Variants in BMP8A observed in about 807,000 individuals in gnomAD.
BMP8A encodes bone morphogenetic protein 8a.
Under a neutral mutation model 36.8 loss-of-function variants are expected in BMP8A, and 14 were observed. The ratio of observed to expected loss-of-function variants is 0.38; its 90% CI spans 0.25 to 0.60. The LOEUF is 0.60. Among genes scored for constraint, BMP8A ranks in the 20% least tolerant of loss-of-function variants. The pLI is 0.63. For synonymous variants in BMP8A, 120 were observed against 237.7 expected, an observed-to-expected ratio of 0.50 and a Z score of 4.55; for missense variants, 267 against 551.1, an observed-to-expected ratio of 0.48 and a Z score of 5.16.
intron 1 of BMP8A, among the ~76,000 whole-genome samples, chr1:39,496,855 T>C (rs995670477): frequency 2.0e-5 from 3 of 152,210 alleles, no homozygotes; most frequent in African/African-American, 7.2e-5. Context: ...AAAGAATTTT[T>C]ATTTTGGGGG....
chr1:39,493,413 C>T (rs1809697), intron 1 of BMP8A, among the ~76,000 whole-genome samples: 85,249 of 152,154 alleles, frequency 0.56, 25,582 homozygotes, highest in South Asian at 0.77. Flanking sequence ...CCAGGACAGG[C>T]CCAGGAAGCC....
intron 1 of BMP8A, among the ~76,000 whole-genome samples, chr1:39,509,498 G>A (rs910831907): frequency 4.6e-5 from 7 of 152,274 alleles, no homozygotes; most frequent in South Asian, 2.1e-4. Context: ...GCTCTCAGGC[G>A]AGCTTTTGCT....
chr1:39,500,907 G>A (rs1281076040), intron 1 of BMP8A, among the ~76,000 whole-genome samples: 1 of 152,160 alleles, frequency 6.6e-6, no homozygotes, highest in South Asian at 2.1e-4. Flanking sequence ...ACCCGCCTCA[G>A]CCTGCCAAAG....
At chr1:39,493,891 C>T (rs1645182706) in intron 1 of BMP8A, among the ~76,000 whole-genome samples, 1 of 152,232 alleles carries the variant, frequency 6.6e-6, no homozygotes, top group Admixed American at 6.5e-5. Context: ...AATGCGTCAC[C>T]ACCCAGCCCA....
At chr1:39,498,133 C>T (rs1217398762) in intron 1 of BMP8A, among the ~76,000 whole-genome samples, 2 of 152,246 alleles carry the variant, frequency 1.3e-5, no homozygotes, top group Non-Finnish European at 1.5e-5. Flanking sequence ...AAACCCTCTG[C>T]CCCTCCTTGG....
intron 4 of BMP8A, among the ~76,000 whole-genome samples, chr1:39,522,025 C>T (rs1471056480): frequency 2.9e-5 from 2 of 69,138 alleles, no homozygotes; most frequent in South Asian, 9.0e-4. Context: ...CTGGCCTGGT[C>T]GTGAGCCACT....
rs201221908 is a variant in BMP8A at position 39,525,764 on chromosome 1, G to A, written c.1175G>A (p.Arg392His). The change falls in exon 7 of 7, where the codon CGC (arginine) becomes CAC (histidine). Residue 392 changes from arginine (R) to histidine (H), a missense_variant. Around this residue, in one of 7 missense-constraint regions of BMP8A, gnomAD observed 132 missense variants for 151.3 expected, o/e 0.87. Transcript: ENST00000331593. ...SSNNVILRKH[R>H]NMVVKACGCH is the part of the protein sequence containing the mutation. The stretch of plus-strand genomic sequence containing the variant: ...AACAACGTCATCCTGCGCAAGCACC[G>A]CAACATGGTGGTCAAGGCCTGCGGC... 6.7e-5 allele frequency: 108 copies of A among 1,614,046 alleles called. No homozygotes were observed. Among genetic ancestry groups the A allele is most frequent in the Non-Finnish European group, 3.9e-5 (46 of 1,180,036 alleles).
chr1:39,499,931 A>G (rs1284743302), intron 1 of BMP8A, among the ~76,000 whole-genome samples: 1 of 152,180 alleles, frequency 6.6e-6, no homozygotes, highest in Admixed American at 6.5e-5. Flanking sequence ...AAGGTCATGC[A>G]CTGTCACAAT....
chr1:39,523,534 T>C lies in BMP8A; in HGVS notation c.1059+417T>C, dbSNP rs1570316029. ...CCGCCTGTGATATGTGCGCACAGTG[T>C]GTGGGGTGTGCGTGTGCACTCACCC... is the stretch of plus-strand genomic sequence containing the variant. On this transcript the variant is annotated intron_variant, in intron 6 of 6. Coordinates refer to ENST00000331593, the MANE Select transcript of BMP8A (RefSeq NM_181809.4). The C allele has an allele frequency of 8.9e-5, 123 of 1,382,726 alleles. No homozygotes were observed. In the East Asian group the frequency reaches 3.5e-3, roughly 39 times the overall value. The allele number at this position is 1,382,726 out of a possible 1,614,324, so 85.7% of individuals were successfully genotyped here.
chr1:39,523,128 T>C lies in BMP8A; in HGVS notation c.1059+11T>C. On this transcript the variant is annotated intron_variant, in intron 6 of 6. Coordinates refer to ENST00000331593, the MANE Select transcript of BMP8A (RefSeq NM_181809.4). The stretch of plus-strand genomic sequence containing the variant: ...ATCCTGCAGTCCCTGGTCAGTACCG[T>C]GCCCATCCTGCCCAGCCCCCTGGGG... 6.2e-7 allele frequency: 1 copy of C among 1,612,562 alleles called. No individual in the cohort carries two copies.
intron 1 of BMP8A, among the ~76,000 whole-genome samples, chr1:39,492,771 G>A (rs1320366551): frequency 2.0e-5 from 3 of 152,208 alleles, no homozygotes; most frequent in Admixed American, 6.5e-5. Context: ...GCTGAGTCGC[G>A]TGCCCTGAGT....
At chr1:39,510,695 C>T (rs1453217557) in intron 1 of BMP8A, among the ~76,000 whole-genome samples, 1 of 152,224 alleles carries the variant, frequency 6.6e-6, no homozygotes, top group African/African-American at 2.4e-5. Flanking sequence ...AGGCAGCGGG[C>T]AGGCTCTGGA....
chr1:39,509,737 G>A (rs527835774), intron 1 of BMP8A, among the ~76,000 whole-genome samples: 17 of 152,298 alleles, frequency 1.1e-4, no homozygotes, highest in African/African-American at 2.9e-4. Flanking sequence ...AAACCTGACT[G>A]TGGTCACTGA....
At chr1:39,500,714 A>G (rs1391530001) in intron 1 of BMP8A, among the ~76,000 whole-genome samples, 2 of 151,972 alleles carry the variant, frequency 1.3e-5, no homozygotes, top group Non-Finnish European at 2.9e-5. Flanking sequence ...GTGCAGTGGT[A>G]CAGTTTCAGC....
chr1:39,504,166 A>T (rs1645278052), intron 1 of BMP8A, among the ~76,000 whole-genome samples: 1 of 152,118 alleles, frequency 6.6e-6, no homozygotes, highest in Non-Finnish European at 1.5e-5. Flanking sequence ...GCCTGTGGGT[A>T]TTTCTCGAAA....
intron 1 of BMP8A, among the ~76,000 whole-genome samples, chr1:39,509,835 C>T (rs1645337708): frequency 6.6e-6 from 1 of 152,188 alleles, no homozygotes. Flanking sequence ...CACTGGGCGG[C>T]TCCCACCCCT....
chr1:39,507,327 T>C (rs1645310397), intron 1 of BMP8A, among the ~76,000 whole-genome samples: 1 of 152,196 alleles, frequency 6.6e-6, no homozygotes, highest in African/African-American at 2.4e-5. Flanking sequence ...GAAATCACAT[T>C]GTGCAAACCT....
At position 39,492,001 on chromosome 1, in the gene BMP8A, C is replaced by A. The variant is rs1192579480; in HGVS notation, c.10C>A (p.Arg4Ser). ...GCGCCCCCGGCCCGCCATGGCCGCG[C>A]GCCCCGGACCGCTCTGGCTTCTGGG... MAA[R>S]PGPLWLLGLT... is the part of the protein sequence containing the mutation. The change falls in exon 1 of 7, where the codon CGC becomes AGC. Residue 4 changes from arginine (R) to serine (S), a missense_variant. By Grantham distance (110) the Arg-to-Ser change is moderately radical. Around this residue, in one of 7 missense-constraint regions of BMP8A, gnomAD observed 56 missense variants for 74.1 expected, o/e 0.76. Coordinates refer to ENST00000331593, the MANE Select transcript of BMP8A (RefSeq NM_181809.4). 3 of 1,084,194 alleles carry A rather than the reference C, an allele frequency of 2.8e-6. No homozygotes were observed. The highest frequency in any genetic ancestry group is 1.0e-4 in the Admixed American group (2 of 19,064). 67.2% of individuals were successfully genotyped at this position (1,084,194 alleles called of 1,614,324 possible). A position where few individuals can be genotyped will look rare whatever the true frequency, so the allele number is the denominator to read the frequency against.
chr1:39,497,198 G>A (rs974632236), intron 1 of BMP8A, among the ~76,000 whole-genome samples: 10 of 152,104 alleles, frequency 6.6e-5, no homozygotes, highest in African/African-American at 2.4e-4. Context: ...GGGTTGTTCT[G>A]AACACTTTTA....
Sources: gnomAD v4.1 joint callset for allele counts (sites outside exome capture counted in the v4.1 genomes callset) on GRCh38, gnomAD v4.1.1 for gene constraint, gnomAD v4.1.1 regional missense constraint, MANE v1.5 for transcripts, NCBI Gene and HGNC (gene_info 2026-07-23, HGNC 2026-07-21) for gene names.